STPG2: variants seen among roughly 807,000 people sequenced by gnomAD.
STPG2 encodes the protein sperm tail PG-rich repeat containing 2, also known as sperm-tail PG-rich repeat-containing protein 2.
Under a neutral mutation model 54.2 loss-of-function variants are expected in STPG2, and 56 were observed. The ratio of observed to expected loss-of-function variants is 1.03; its 90% CI spans 0.83 to 1.29. The LOEUF (loss-of-function observed/expected upper bound fraction) is 1.29, where lower values mean the gene tolerates loss of function less well. Among genes scored for constraint, STPG2 ranks in the 50% most tolerant of loss-of-function variants. The pLI is 0.00. For missense variants in STPG2, 596 were observed against 544.9 expected, an observed-to-expected ratio of 1.09 and a Z score of -0.93; for synonymous variants, 200 against 181.8, an observed-to-expected ratio of 1.10 and a Z score of -0.81.
In STPG2 at chr4:98,114,467, C is replaced by T. The variant is rs1578176762; in HGVS notation, c.388-5162G>A. Among the ~76,000 whole-genome samples, 3 of 151,978 alleles carry T rather than the reference C, an allele frequency of 2.0e-5. No individual in the cohort carries two copies. In the South Asian group the frequency reaches 6.2e-4, roughly 32 times the overall value. ...ATATGTTGATTTACTATAGCCTATA[C>T]ATTTGTCAAAAAATCAGTATTTTAA... On this transcript the variant is annotated intron_variant, in intron 3 of 10. Coordinates refer to ENST00000295268, the MANE Select transcript of STPG2 (RefSeq NM_174952.3).
chr4:98,049,551 T>C (rs767862802), intron 5 of STPG2, among the ~76,000 whole-genome samples: 1 of 152,214 alleles, frequency 6.6e-6, no homozygotes, highest in Non-Finnish European at 1.5e-5. Context: ...GAATCCATAA[T>C]GATAGTTTTT....
At chr4:97,744,256 T>A (rs1251477812) in intron 9 of STPG2, among the ~76,000 whole-genome samples, 1 of 151,348 alleles carries the variant, frequency 6.6e-6, no homozygotes, top group Non-Finnish European at 1.5e-5. Flanking sequence ...TTACTCATAA[T>A]ATATAATATG....
At chr4:97,690,793 CAGAA>C (rs1029254470) in intron 10 of STPG2, among the ~76,000 whole-genome samples, 2 of 151,998 alleles carry the variant, frequency 1.3e-5, no homozygotes, top group African/African-American at 4.8e-5. Context: ...AAGAAAGAAA[CAGAA>C]AGGCAAATAG....
At chr4:97,448,332 A>T (rs1383891152) in intron 4 of STPG2, among the ~76,000 whole-genome samples, 1 of 152,134 alleles carries the variant, frequency 6.6e-6, no homozygotes, top group East Asian at 1.9e-4. Flanking sequence ...TCTGAAATGT[A>T]AAAAGGACAT....
chr4:97,931,925 A>G (rs1242131438), intron 8 of STPG2, among the ~76,000 whole-genome samples: 1 of 151,930 alleles, frequency 6.6e-6, no homozygotes, highest in Non-Finnish European at 1.5e-5. Context: ...TTCAGAACTC[A>G]TTATTGGTCT....
At chr4:97,892,514 G>A (rs1236636099) in intron 8 of STPG2, among the ~76,000 whole-genome samples, 1 of 152,096 alleles carries the variant, frequency 6.6e-6, no homozygotes, top group Non-Finnish European at 1.5e-5. Flanking sequence ...CAGTACCAAA[G>A]ACCGCATAAG....
At chr4:97,694,765 A>T (rs1274181327) in intron 10 of STPG2, among the ~76,000 whole-genome samples, 1 of 128,852 alleles carries the variant, frequency 7.8e-6, no homozygotes, top group East Asian at 2.7e-4. Flanking sequence ...GTGAGCCGAG[A>T]TCATGCCACT....
At chr4:97,569,140 G>A (rs1169568874) in intron 10 of STPG2, among the ~76,000 whole-genome samples, 1 of 152,038 alleles carries the variant, frequency 6.6e-6, no homozygotes, top group South Asian at 2.1e-4. Flanking sequence ...CTAAACAATT[G>A]GTGGATTACT....
intron 5 of STPG2, among the ~76,000 whole-genome samples, chr4:98,007,735 T>A (rs1358310704): frequency 6.6e-6 from 1 of 151,410 alleles, no homozygotes; most frequent in Non-Finnish European, 1.5e-5. Context: ...AGAATATGAA[T>A]GAGAAATTTA....
chr4:97,478,368 A>C (rs1329420521), intron 4 of STPG2, among the ~76,000 whole-genome samples: 1 of 152,176 alleles, frequency 6.6e-6, no homozygotes, highest in East Asian at 1.9e-4. Context: ...GAGTAAATTA[A>C]GACTTTTTAC....
At chr4:97,635,020 C>T (rs1473542459) in intron 10 of STPG2, among the ~76,000 whole-genome samples, 1 of 151,984 alleles carries the variant, frequency 6.6e-6, no homozygotes, top group Admixed American at 6.6e-5. Flanking sequence ...AGAAGAGCAA[C>T]TCCAAGACAC....
At chr4:97,513,212 G>C (rs1355605360) in intron 4 of STPG2, among the ~76,000 whole-genome samples, 1 of 152,068 alleles carries the variant, frequency 6.6e-6, no homozygotes, top group African/African-American at 2.4e-5. Context: ...CACAGGGCAA[G>C]GTAAAGAAGG....
intron 9 of STPG2, among the ~76,000 whole-genome samples, chr4:97,798,318 A>T (rs113976764): frequency 2.6e-5 from 4 of 152,166 alleles, no homozygotes; most frequent in African/African-American, 7.2e-5. Context: ...ATGTGGGCAT[A>T]TAGTGCTATA....
At chr4:97,459,188 C>T (rs905445080) in intron 4 of STPG2, among the ~76,000 whole-genome samples, 2 of 151,958 alleles carry the variant, frequency 1.3e-5, no homozygotes, top group Admixed American at 6.5e-5. Flanking sequence ...GAGAGAGAGA[C>T]GCCCACACAA....
chr4:97,568,734 A>G (rs1578395816), intron 10 of STPG2, among the ~76,000 whole-genome samples: 1 of 152,310 alleles, frequency 6.6e-6, no homozygotes, highest in South Asian at 2.1e-4. Context: ...ATTCTCTTGT[A>G]CCAGAAATTA....
chr4:97,858,913 A>C (rs563115628), intron 8 of STPG2, among the ~76,000 whole-genome samples: 2 of 152,316 alleles, frequency 1.3e-5, no homozygotes, highest in South Asian at 4.1e-4. Flanking sequence ...GTAGATACCC[A>C]GTAGTGGGAT....
At chr4:97,775,673 A>C (rs1726353767) in intron 9 of STPG2, among the ~76,000 whole-genome samples, 1 of 152,218 alleles carries the variant, frequency 6.6e-6, no homozygotes, top group Non-Finnish European at 1.5e-5. Context: ...TTCACAACAA[A>C]GCAAAACAAA....
intron 8 of STPG2, among the ~76,000 whole-genome samples, chr4:97,943,284 A>G (rs1451548153): frequency 1.3e-5 from 2 of 152,168 alleles, no homozygotes; most frequent in Non-Finnish European, 1.5e-5. Context: ...AAGAGGATAC[A>G]AACATTTAGA....
chr4:97,937,699 C>A (rs1314112539), intron 8 of STPG2, among the ~76,000 whole-genome samples: 1 of 152,162 alleles, frequency 6.6e-6, no homozygotes, highest in Non-Finnish European at 1.5e-5. Flanking sequence ...TGGGTCCCTC[C>A]TGCACATGGA....
Sources: gnomAD v4.1 joint callset for allele counts (sites outside exome capture counted in the v4.1 genomes callset) on GRCh38, gnomAD v4.1.1 for gene constraint, MANE v1.5 for transcripts, NCBI Gene and HGNC (gene_info 2026-07-23, HGNC 2026-07-21) for gene names.